The following DGKB variants were observed in gnomAD, a reference collection of about 807,000 sequenced individuals.
The protein encoded by DGKB is 90 kDa diacylglycerol kinase.
A neutral mutation model predicts 114.3 loss-of-function variants in DGKB; 67 were observed. The observed-to-expected ratio is 0.59, with a 90% CI of 0.48 to 0.72. The LOEUF (loss-of-function observed/expected upper bound fraction) is 0.72, where lower values mean the gene tolerates loss of function less well. Ranked by LOEUF, DGKB falls within the 30% of genes least tolerant of loss-of-function variation. The pLI is 0.00. For synonymous variants in DGKB, 398 were observed against 323.1 expected (o/e 1.23, Z -2.49); for missense variants, 907 against 975.2 (o/e 0.93, Z 0.93).
At position 14,498,837 on chromosome 7, in the gene DGKB, AT is replaced by A. The variant is rs541700900; in HGVS notation, c.1771-20613del. 9.9e-5 allele frequency among the ~76,000 whole-genome samples: 15 copies of A among 151,908 alleles called. No homozygotes were observed. The East Asian group carries it at 2.9e-3, about 29-fold the overall frequency. ...TTATTTACTTGCGGTAAGTTTACCA[AT>A]TGCTCACATAAGGGAAATAGATTAT... is the stretch of plus-strand genomic sequence containing the variant. On this transcript the variant is annotated intron_variant, in intron 20 of 25. Transcript: ENST00000402815.
chr7:14,574,452 T>G (rs995963365), intron 19 of DGKB, 80 bp from the exon 20 acceptor site: 2 of 1,155,100 alleles, frequency 1.7e-6, no homozygotes, highest in Non-Finnish European at 2.5e-6. Context: ...AGTGTGCTTA[T>G]GCATATGTAA....
chr7:14,257,227 A>T (rs948977444), intron 23 of DGKB, among the ~76,000 whole-genome samples: 20 of 152,254 alleles, frequency 1.3e-4, no homozygotes, highest in East Asian at 5.8e-4. Flanking sequence ...TAATTTTTTT[A>T]AAAAATTAGA....
chr7:14,818,933 C>A (rs891609967), intron 2 of DGKB, among the ~76,000 whole-genome samples: 34 of 152,092 alleles, frequency 2.2e-4, no homozygotes, highest in African/African-American at 7.7e-4. Context: ...CACAAATAGG[C>A]ATAGCTCTGC....
chr7:14,941,859 T>A (rs117403348), intron 1 of DGKB, among the ~76,000 whole-genome samples: 1 of 152,070 alleles, frequency 6.6e-6, no homozygotes, highest in African/African-American at 2.4e-5. Flanking sequence ...CATAATAAGG[T>A]ATAATTTCAA....
chr7:14,359,363 C>T (rs570512543), intron 21 of DGKB, among the ~76,000 whole-genome samples: 4 of 152,174 alleles, frequency 2.6e-5, no homozygotes, highest in South Asian at 4.1e-4. Context: ...ACCATAAAAA[C>T]CCTAGAAGAA....
intron 2 of DGKB, among the ~76,000 whole-genome samples, chr7:14,836,223 C>A (rs1301774092): frequency 2.6e-5 from 4 of 152,144 alleles, no homozygotes; most frequent in African/African-American, 9.7e-5. Context: ...AACTGCACAC[C>A]AGGTCCAAAC....
intron 1 of DGKB, among the ~76,000 whole-genome samples, chr7:14,896,026 T>C (rs1464471390): frequency 1.3e-5 from 2 of 151,770 alleles, no homozygotes; most frequent in African/African-American, 4.8e-5. Context: ...GTCATGCTTT[T>C]CTATAGCACC....
At chr7:14,333,687 T>C (rs1810150570) in intron 23 of DGKB, among the ~76,000 whole-genome samples, 1 of 152,164 alleles carries the variant, frequency 6.6e-6, no homozygotes, top group Admixed American at 6.5e-5. Flanking sequence ...AAAACTGGAA[T>C]AGACTTGGAT....
chr7:14,639,634 G>T (rs1335481353), intron 13 of DGKB, among the ~76,000 whole-genome samples: 1 of 152,180 alleles, frequency 6.6e-6, no homozygotes, highest in African/African-American at 2.4e-5. Context: ...CCTATGATTG[G>T]ATTTTTGCTG....
intron 20 of DGKB, among the ~76,000 whole-genome samples, chr7:14,496,019 A>G (rs906856433): frequency 5.3e-5 from 8 of 151,866 alleles, no homozygotes; most frequent in African/African-American, 7.2e-5. Context: ...TCTAATCAAT[A>G]TACTTTTTGA....
chr7:14,292,888 A>G (rs933119432), intron 23 of DGKB, among the ~76,000 whole-genome samples: 1 of 152,186 alleles, frequency 6.6e-6, no homozygotes, highest in African/African-American at 2.4e-5. Context: ...TACCTGTTTC[A>G]TATTGGCCAT....
intron 21 of DGKB, among the ~76,000 whole-genome samples, chr7:14,407,925 C>T (rs1824206651): frequency 6.6e-6 from 1 of 151,962 alleles, no homozygotes; most frequent in African/African-American, 2.4e-5. Context: ...ACACAGAAGA[C>T]CTTAGAAGAA....
chr7:14,283,298 A>C (rs1226876692), intron 23 of DGKB, among the ~76,000 whole-genome samples: 1 of 151,340 alleles, frequency 6.6e-6, no homozygotes, highest in African/African-American at 2.4e-5. Flanking sequence ...TAGGAATCCA[A>C]CTTACAAGGG....
intron 21 of DGKB, among the ~76,000 whole-genome samples, chr7:14,407,105 G>T (rs981397784): frequency 6.6e-6 from 1 of 152,050 alleles, no homozygotes; most frequent in African/African-American, 2.4e-5. Context: ...TAAAGTAGAA[G>T]TCAGAAAGTG....
At chr7:14,564,425 T>A (rs1424472013) in intron 20 of DGKB, among the ~76,000 whole-genome samples, 1 of 152,172 alleles carries the variant, frequency 6.6e-6, no homozygotes, top group African/African-American at 2.4e-5. Context: ...TAAATGAGTC[T>A]GGTTTTGCAT....
intron 1 of DGKB, among the ~76,000 whole-genome samples, chr7:14,875,967 C>G (rs1020422290): frequency 6.6e-6 from 1 of 152,126 alleles, no homozygotes. Context: ...TCTCCTTACA[C>G]GGTTGAGCAT....
chr7:14,360,889 G>A (rs1430189911), intron 21 of DGKB, among the ~76,000 whole-genome samples: 1 of 152,050 alleles, frequency 6.6e-6, no homozygotes, highest in Non-Finnish European at 1.5e-5. Context: ...CAGTGGTATA[G>A]AAGAATTTTA....
chr7:14,167,663 G>T (rs745783776), intron 25 of DGKB, among the ~76,000 whole-genome samples: 1 of 152,124 alleles, frequency 6.6e-6, no homozygotes, highest in African/African-American at 2.4e-5. Flanking sequence ...TCATCACCAA[G>T]TTTTCAGACA....
At chr7:14,212,532 T>C (rs768575711) in intron 23 of DGKB, among the ~76,000 whole-genome samples, 4 of 152,132 alleles carry the variant, frequency 2.6e-5, no homozygotes, top group East Asian at 1.9e-4. Context: ...GATGGAATTA[T>C]GCAGGGATTT....
Sources: gnomAD v4.1 joint callset for allele counts (sites outside exome capture counted in the v4.1 genomes callset) on GRCh38, gnomAD v4.1.1 for gene constraint, MANE v1.5 for transcripts, NCBI Gene and HGNC (gene_info 2026-07-23, HGNC 2026-07-21) for gene names.